Variants in SPAG6 observed in about 807,000 individuals in gnomAD.
SPAG6 encodes sperm-associated antigen 6.
A neutral mutation model predicts 58.5 loss-of-function variants in SPAG6; 49 were observed. That is an observed-to-expected ratio of 0.84 (90% CI 0.67 to 1.06). SPAG6 has a LOEUF of 1.06. Ranked by LOEUF, SPAG6 falls within the 50% of genes least tolerant of loss-of-function variation. The pLI is 0.00. For synonymous variants in SPAG6, 233 were observed against 225.6 expected, an observed-to-expected ratio of 1.03 and a Z score of -0.29; for missense variants, 560 against 611.3, an observed-to-expected ratio of 0.92 and a Z score of 0.89.
Position 22,346,490 on chromosome 10 carries a change from C to CT in SPAG6, c.121+674dup, listed in dbSNP as rs1554776495. On this transcript the variant is annotated intron_variant, in intron 2 of 10. Transcript: ENST00000376624. ...TCTTCTTCTTCTTCTTCTTCTTCTT[C>CT]TTCTTCTTTCTTCTTCTTCTTCCTC... is the stretch of plus-strand genomic sequence containing the variant. Among the ~76,000 whole-genome samples, 864 of 135,620 alleles carry CT rather than the reference C, an allele frequency of 6.4e-3. 22 individuals are homozygous for CT. The highest frequency in any genetic ancestry group is 0.028 in the African/African-American group (808 of 28,368). 89.0% of individuals were successfully genotyped at this position (135,620 alleles called of 152,430 possible). A position where few individuals can be genotyped will look rare whatever the true frequency, so the allele number is the denominator to read the frequency against.
At chr10:22,358,317 G>C (rs1836927949) in intron 2 of SPAG6, among the ~76,000 whole-genome samples, 1 of 151,866 alleles carries the variant, frequency 6.6e-6, no homozygotes, top group African/African-American at 2.4e-5. Context: ...GTTTTGATTT[G>C]CATTTCTCTG....
At chr10:22,375,824 G>A (rs1372928339) in intron 4 of SPAG6, among the ~76,000 whole-genome samples, 4 of 151,970 alleles carry the variant, frequency 2.6e-5, no homozygotes, top group Middle Eastern at 3.4e-3. Flanking sequence ...TCATCCTCCC[G>A]CCTTGGCCTC....
chr10:22,403,890 G>T (rs1484238590), intron 9 of SPAG6, among the ~76,000 whole-genome samples: 1 of 151,304 alleles, frequency 6.6e-6, no homozygotes, highest in African/African-American at 2.4e-5. Flanking sequence ...GGCCAGTGAT[G>T]GTGAGCATTT....
chr10:22,360,908 C>T (rs1837018254), intron 2 of SPAG6: 4 of 1,028,900 alleles, frequency 3.9e-6, no homozygotes, highest in Non-Finnish European at 5.8e-6. Flanking sequence ...TCCTTCCTTC[C>T]TTCCATTGTC....
At chr10:22,412,517 C>A in intron 10 of SPAG6, 2 of 1,486,436 alleles carry the variant, frequency 1.3e-6, no homozygotes, top group Non-Finnish European at 1.8e-6. Flanking sequence ...CAAAAGAGTT[C>A]CAATAGGTAA....
Position 22,391,881 on chromosome 10 carries a change from G to C in SPAG6, c.1158G>C (p.Leu386Phe), listed in dbSNP as rs546759367. 1.2e-6 allele frequency: 2 copies of C among 1,613,248 alleles called. No individual in the cohort carries two copies. Among genetic ancestry groups the C allele is most frequent in the East Asian group, 4.5e-5 (2 of 44,876 alleles). ...ATACTTTGCCAGTTCTGCTTTCTTT[G>C]TACATGTCAACAGAAAGTTCTGAGG... is the stretch of plus-strand genomic sequence containing the variant. ...VTNTLPVLLSLYMSTESSEDL... is the reference protein window; with the variant it reads ...VTNTLPVLLSFYMSTESSEDL... Residue 386 changes from leucine to phenylalanine, a missense_variant, in exon 8 of 11, where the codon TTG becomes TTC. Physicochemically the swap from Leu to Phe is conservative, Grantham distance 22. Transcript: ENST00000376624.
chr10:22,388,289 TC>T (rs1206487483), intron 6 of SPAG6, among the ~76,000 whole-genome samples: 2 of 152,114 alleles, frequency 1.3e-5, no homozygotes, highest in East Asian at 3.9e-4. Flanking sequence ...TGCCATGTGT[TC>T]CTCAGGGAGC....
In SPAG6 at chr10:22,403,124, CT is replaced by C. The variant is rs199582697; in HGVS notation, c.1314+1857del. Among the ~76,000 whole-genome samples, 349 of 149,240 alleles carry C rather than the reference CT, an allele frequency of 2.3e-3. 1 individual carries two copies. The highest frequency in any genetic ancestry group is 3.9e-3 in the Non-Finnish European group (261 of 66,976). Reference sequence around the variant, plus strand: ...ATAAATGTGCCTTCAGGAATATTTTCTTTTTTTTTTAAATTTATTATTATTA... The same window carrying C: ...ATAAATGTGCCTTCAGGAATATTTTCTTTTTTTTTAAATTTATTATTATTA... On this transcript the variant is annotated intron_variant, in intron 9 of 10. Coordinates refer to ENST00000376624, the MANE Select transcript of SPAG6 (RefSeq NM_012443.4).
At chr10:22,362,193 T>C (rs1408563876) in intron 2 of SPAG6, among the ~76,000 whole-genome samples, 1 of 147,058 alleles carries the variant, frequency 6.8e-6, no homozygotes, top group Non-Finnish European at 1.5e-5. Context: ...TTTATATTTA[T>C]GTGTCCACTT....
intron 4 of SPAG6, among the ~76,000 whole-genome samples, chr10:22,372,964 C>T (rs1267156370): frequency 6.6e-6 from 1 of 152,122 alleles, no homozygotes; most frequent in Non-Finnish European, 1.5e-5. Context: ...GGCAACTGCT[C>T]AACACTTCCA....
chr10:22,392,897 C>T (rs1272651957), intron 8 of SPAG6, among the ~76,000 whole-genome samples: 2 of 151,972 alleles, frequency 1.3e-5, no homozygotes, highest in South Asian at 2.1e-4. Flanking sequence ...TCTACTAATG[C>T]ATTGAGAGAA....
intron 2 of SPAG6, among the ~76,000 whole-genome samples, chr10:22,363,472 T>C (rs1837099209): frequency 6.6e-6 from 1 of 152,196 alleles, no homozygotes; most frequent in Non-Finnish European, 1.5e-5. Context: ...TTACCAGCCT[T>C]CGTGGGATTC....
intron 2 of SPAG6, among the ~76,000 whole-genome samples, chr10:22,358,051 G>A (rs1836918520): frequency 6.6e-6 from 1 of 152,180 alleles, no homozygotes; most frequent in South Asian, 2.1e-4. Context: ...ACATACGTGT[G>A]CATGTGTCTT....
chr10:22,366,638 G>A (rs934449848), intron 3 of SPAG6, among the ~76,000 whole-genome samples: 1 of 152,088 alleles, frequency 6.6e-6, no homozygotes, highest in Non-Finnish European at 1.5e-5. Flanking sequence ...ATAGATGAGA[G>A]AGTCACTTAC....
chr10:22,373,509 A>G (rs563664094), intron 4 of SPAG6, among the ~76,000 whole-genome samples: 2 of 152,242 alleles, frequency 1.3e-5, no homozygotes, highest in Non-Finnish European at 2.9e-5. Flanking sequence ...CAATTTTCAA[A>G]GTAATTAACT....
At chr10:22,387,511 TA>T (rs1834095141) in intron 5 of SPAG6, among the ~76,000 whole-genome samples, 1 of 152,156 alleles carries the variant, frequency 6.6e-6, no homozygotes, top group Admixed American at 6.6e-5. Flanking sequence ...ACCTGTCTCA[TA>T]AATTAGCAAT....
chr10:22,374,331 G>A lies in SPAG6; in HGVS notation c.472+5653G>A, dbSNP rs151221952. Among the ~76,000 whole-genome samples the A allele has an allele frequency of 9.2e-5, 14 of 152,210 alleles. No individual in the cohort carries two copies. In the East Asian group the frequency reaches 2.3e-3, roughly 25 times the overall value. On this transcript the variant is annotated intron_variant, in intron 4 of 10. Transcript: ENST00000376624. ...ATAAATTGACTAAGACCTCGTGTGT[G>A]GGACTTTATAATCTAAGGCAGAAAA... is the stretch of plus-strand genomic sequence containing the variant.
intron 4 of SPAG6, among the ~76,000 whole-genome samples, chr10:22,384,558 C>A (rs999470756): frequency 6.6e-6 from 1 of 152,104 alleles, no homozygotes; most frequent in Admixed American, 6.6e-5. Flanking sequence ...GCTAGGAGAA[C>A]AATACTTCTA....
intron 4 of SPAG6, among the ~76,000 whole-genome samples, chr10:22,385,478 GA>G (rs1369634298): frequency 3.9e-5 from 6 of 152,134 alleles, no homozygotes; most frequent in African/African-American, 1.4e-4. Context: ...TTTAAAAATT[GA>G]AACATACCTT....
Sources: allele counts gnomAD v4.1 joint callset (sites outside exome capture counted in the v4.1 genomes callset), GRCh38; gene constraint gnomAD v4.1.1; transcripts MANE v1.5; gene names NCBI Gene and HGNC (gene_info 2026-07-23, HGNC 2026-07-21).